LRBA: variants seen among roughly 807,000 people sequenced by gnomAD.
LRBA encodes LPS responsive beige-like anchor protein.
Under a neutral mutation model 330.0 loss-of-function variants are expected in LRBA, and 176 were observed. That is an observed-to-expected ratio of 0.53 (90% CI 0.47 to 0.60). The LOEUF is 0.60. Ranked by LOEUF, LRBA falls within the 20% of genes least tolerant of loss-of-function variation. The probability of loss-of-function intolerance (pLI) is 0.00; values close to 1 mark genes in which losing one functional copy is unlikely to be tolerated. For synonymous variants in LRBA, 1,230 were observed against 1,193.0 expected (o/e 1.03, Z -0.64); for missense variants, 3,259 against 3,444.8 (o/e 0.95, Z 1.35).
chr4:150,577,216 A>G (rs1253062219), intron 40 of LRBA, among the ~76,000 whole-genome samples: 1 of 152,002 alleles, frequency 6.6e-6, no homozygotes, highest in African/African-American at 2.4e-5. Context: ...AATCTTGATG[A>G]CTGTCATTAA....
chr4:150,591,740 G>A (rs991104064), intron 38 of LRBA, among the ~76,000 whole-genome samples: 2 of 152,096 alleles, frequency 1.3e-5, no homozygotes, highest in African/African-American at 4.8e-5. Context: ...AGCAACTGCA[G>A]GCAGATGGAG....
intron 40 of LRBA, among the ~76,000 whole-genome samples, chr4:150,499,301 A>C (rs919998535): frequency 1.1e-4 from 16 of 152,290 alleles, no homozygotes; most frequent in Admixed American, 2.6e-4. Flanking sequence ...TTACTTCTCA[A>C]AAAGTTGTGA....
At chr4:150,397,307 C>G (rs1744863025) in intron 47 of LRBA, among the ~76,000 whole-genome samples, 1 of 152,088 alleles carries the variant, frequency 6.6e-6, no homozygotes, top group Non-Finnish European at 1.5e-5. Flanking sequence ...AAGACAGGGT[C>G]TTGCTCTGTT....
intron 40 of LRBA, among the ~76,000 whole-genome samples, chr4:150,491,419 A>G (rs1284915927): frequency 1.3e-5 from 2 of 152,100 alleles, no homozygotes; most frequent in Non-Finnish European, 2.9e-5. Context: ...ATGCTTATAA[A>G]TCACATACAC....
intron 2 of LRBA, among the ~76,000 whole-genome samples, chr4:150,932,870 C>T (rs1734661509): frequency 1.3e-5 from 2 of 151,646 alleles, no homozygotes; most frequent in Non-Finnish European, 2.9e-5. Flanking sequence ...TAGCCAAGAT[C>T]GCATCACTGC....
At chr4:150,858,623 G>A (rs964164596) in intron 22 of LRBA, among the ~76,000 whole-genome samples, 3 of 152,128 alleles carry the variant, frequency 2.0e-5, no homozygotes, top group East Asian at 1.9e-4. Context: ...TCAGCATCCC[G>A]TATTCAAGTG....
At position 150,269,890 on chromosome 4, in the gene LRBA, G is replaced by C. The variant is rs181668541; in HGVS notation, c.8469-4078C>G. ...GCCCAGGAGGTTGAGGCTTCAGTGA[G>C]CTGTGATTGTGCCACTGCACTCCAG... On this transcript the variant is annotated intron_variant, in intron 56 of 56. Transcript: ENST00000651943. 7.6e-3 allele frequency among the ~76,000 whole-genome samples: 1,158 copies of C among 152,324 alleles called. 10 individuals carry two copies. Among genetic ancestry groups the C allele is most frequent in the Non-Finnish European group, 0.011 (762 of 68,034 alleles).
At chr4:150,567,512 A>G (rs1410575211) in intron 40 of LRBA, among the ~76,000 whole-genome samples, 5 of 152,168 alleles carry the variant, frequency 3.3e-5, no homozygotes, top group African/African-American at 1.2e-4. Flanking sequence ...GCTTTAAAAT[A>G]AACTGCCAAC....
chr4:150,813,965 A>G (rs898483322), intron 31 of LRBA, among the ~76,000 whole-genome samples: 3 of 152,146 alleles, frequency 2.0e-5, no homozygotes, highest in Admixed American at 6.6e-5. Flanking sequence ...TAACCCCATC[A>G]TAAGTCAAGG....
At chr4:150,906,474 T>C (rs1462399046) in intron 11 of LRBA, 69 bp from the exon 12 acceptor site, 5 of 829,898 alleles carry the variant, frequency 6.0e-6, no homozygotes, top group Admixed American at 2.1e-5. Context: ...GTTAGATAGA[T>C]GTAACCCTTC....
At chr4:150,772,279 A>G (rs1736688311) in intron 34 of LRBA, among the ~76,000 whole-genome samples, 1 of 152,132 alleles carries the variant, frequency 6.6e-6, no homozygotes. Flanking sequence ...CAATCTATAC[A>G]CCAGGCCCAA....
intron 38 of LRBA, among the ~76,000 whole-genome samples, chr4:150,596,796 C>T (rs1381122499): frequency 6.6e-6 from 1 of 151,444 alleles, no homozygotes; most frequent in Non-Finnish European, 1.5e-5. Context: ...AATATATTAG[C>T]ATAAATTTTC....
At chr4:150,796,303 T>C (rs1740783277) in intron 34 of LRBA, among the ~76,000 whole-genome samples, 1 of 151,946 alleles carries the variant, frequency 6.6e-6, no homozygotes, top group African/African-American at 2.4e-5. Flanking sequence ...CCTCTTTGAA[T>C]TAGGAAAATT....
chr4:150,489,654 A>T (rs1344697993), intron 41 of LRBA, among the ~76,000 whole-genome samples: 1 of 119,912 alleles, frequency 8.3e-6, no homozygotes, highest in African/African-American at 3.2e-5. Flanking sequence ...ATAATATATA[A>T]TATTATATAT....
chr4:150,315,407 T>A, intron 51 of LRBA, 154 bp downstream of exon 51: 1 of 702,802 alleles, frequency 1.4e-6, no homozygotes, highest in South Asian at 1.6e-5. Flanking sequence ...AATACCAGCA[T>A]AGCCACAGCT....
intron 38 of LRBA, 142 bp from the exon 39 acceptor site, chr4:150,591,001 G>C: frequency 1.5e-6 from 1 of 685,194 alleles, no homozygotes; most frequent in Non-Finnish European, 2.4e-6. Context: ...AAAGTGATTG[G>C]GATGGCACAC....
At chr4:150,771,615 G>A (rs1270843321) in intron 34 of LRBA, among the ~76,000 whole-genome samples, 1 of 152,122 alleles carries the variant, frequency 6.6e-6, no homozygotes, top group Non-Finnish European at 1.5e-5. Flanking sequence ...ATGATGGAAG[G>A]GGTCAAATGC....
chr4:150,321,328 A>G lies in LRBA; in HGVS notation c.7493T>C (p.Ile2498Thr), dbSNP rs755047714. 1.7e-5 allele frequency: 27 copies of G among 1,606,452 alleles called. No homozygotes were observed. In the East Asian group the frequency reaches 5.7e-4, roughly 34 times the overall value. Residue 2498 changes from isoleucine (I) to threonine (T), a missense_variant, in exon 50 of 57, where the codon ATC (isoleucine) becomes ACC (threonine). Ile to Thr is a moderately conservative substitution (Grantham distance 89). Coordinates refer to ENST00000651943, the MANE Select transcript of LRBA (RefSeq NM_001364905.1). The surrounding 1 kb of genome is among the most constrained non-coding windows in gnomAD (Gnocchi z 4.5). ...MFTDKAQQDV[I>T]MVLKFPSNSP... Reference sequence around the variant, plus strand: ...GTTGGAGGGAAACTTGAGGACCATGATAACATCCTGCTGGGCTTTGTCTGT... The same window carrying G: ...GTTGGAGGGAAACTTGAGGACCATGGTAACATCCTGCTGGGCTTTGTCTGT...
chr4:150,452,478 C>T (rs540925027), intron 44 of LRBA, among the ~76,000 whole-genome samples: 2 of 151,814 alleles, frequency 1.3e-5, no homozygotes, highest in African/African-American at 2.4e-5. Flanking sequence ...AAAAATTAGC[C>T]GCGTGCGGTG....
Sources: allele counts gnomAD v4.1 joint callset (sites outside exome capture counted in the v4.1 genomes callset), GRCh38; gene constraint gnomAD v4.1.1; non-coding constraint Gnocchi (gnomAD v3.1); transcripts MANE v1.5; gene names NCBI Gene and HGNC (gene_info 2026-07-23, HGNC 2026-07-21).